OCA2: variants seen among roughly 807,000 people sequenced by gnomAD.
The protein encoded by OCA2 is OCA2 melanosomal transmembrane protein.
OCA2 carries 77 observed loss-of-function variants against 100.2 expected under a neutral mutation model. The observed-to-expected ratio is 0.77, with a 90% CI of 0.64 to 0.93. The LOEUF (loss-of-function observed/expected upper bound fraction) is 0.93, where lower values mean the gene tolerates loss of function less well. Among genes scored for constraint, OCA2 ranks in the 40% least tolerant of loss-of-function variants. The pLI, the probability that OCA2 is intolerant of heterozygous loss-of-function variation, is 0.00. For missense variants in OCA2, 1,062 were observed against 1,089.1 expected (o/e 0.98, Z 0.35); for synonymous variants, 432 against 439.2 (o/e 0.98, Z 0.21).
intron 23 of OCA2, among the ~76,000 whole-genome samples, chr15:27,837,115 T>C (rs1024000356): frequency 6.6e-6 from 1 of 152,350 alleles, no homozygotes; most frequent in Non-Finnish European, 1.5e-5. Flanking sequence ...CATGGAGGAA[T>C]GTCCTGCAGA....
intron 4 of OCA2, among the ~76,000 whole-genome samples, chr15:28,026,377 G>C (rs534580533): frequency 1.3e-5 from 2 of 152,156 alleles, no homozygotes; most frequent in Non-Finnish European, 2.9e-5. Flanking sequence ...CAGTGTCAGC[G>C]TTTGCCATCT....
At chr15:27,790,536 T>C (rs1046359507) in intron 23 of OCA2, among the ~76,000 whole-genome samples, 4 of 152,154 alleles carry the variant, frequency 2.6e-5, no homozygotes, top group African/African-American at 9.7e-5. Context: ...GGAAACTGGA[T>C]TCCATTTTTA....
In OCA2 at chr15:28,067,471, G is replaced by A. The variant is rs1421749648; in HGVS notation, c.227+14177C>T. Among the ~76,000 whole-genome samples, 3 of 152,088 alleles carry A rather than the reference G, an allele frequency of 2.0e-5. No homozygotes were observed. The East Asian group carries it at 5.8e-4, about 29-fold the overall frequency. On this transcript the variant is annotated intron_variant, in intron 2 of 23. Coordinates refer to ENST00000354638, the MANE Select transcript of OCA2 (RefSeq NM_000275.3). ...GGGACCTTTCTAACTTCTTGATGAA[G>A]GCATTTAGGGCTACAATCTTTCTTC...
At chr15:27,748,844 TAAA>T in the OCA2 span, among the ~76,000 whole-genome samples, 1 of 151,742 alleles carries the variant, frequency 6.6e-6, no homozygotes, top group Admixed American at 6.6e-5. Flanking sequence ...AAAATAAAAA[TAAA>T]ATACTTGCTG....
intron 23 of OCA2, among the ~76,000 whole-genome samples, chr15:27,803,366 T>C (rs1372908826): frequency 4.6e-5 from 7 of 152,000 alleles, no homozygotes; most frequent in Non-Finnish European, 7.4e-5. Flanking sequence ...AATTGTGGTA[T>C]ATCTACACAA....
the OCA2 span, among the ~76,000 whole-genome samples, chr15:27,727,122 A>G: frequency 1.3e-5 from 2 of 152,336 alleles, no homozygotes; most frequent in Admixed American, 1.3e-4. Flanking sequence ...ACTCTAGGGA[A>G]AAGGATGGGA....
chr15:27,946,122 G>A (rs972846395), intron 18 of OCA2, among the ~76,000 whole-genome samples: 3 of 152,042 alleles, frequency 2.0e-5, no homozygotes, highest in Non-Finnish European at 4.4e-5. Context: ...ACCTCTCAGG[G>A]TGTGTTACAT....
chr15:27,758,227 A>G (rs936558306), intron 23 of OCA2, among the ~76,000 whole-genome samples: 15 of 152,192 alleles, frequency 9.9e-5, no homozygotes, highest in Non-Finnish European at 1.5e-4. Flanking sequence ...AGTGGGTACT[A>G]GAAAGAAAAC....
At chr15:27,909,511 T>C (rs2038304498) in intron 19 of OCA2, among the ~76,000 whole-genome samples, 2 of 152,140 alleles carry the variant, frequency 1.3e-5, no homozygotes, top group Admixed American at 1.3e-4. Context: ...TTAAAACATA[T>C]TATAAAGCCT....
chr15:28,048,072 A>G (rs1438940904), intron 2 of OCA2, among the ~76,000 whole-genome samples: 1 of 152,248 alleles, frequency 6.6e-6, no homozygotes, highest in Non-Finnish European at 1.5e-5. Flanking sequence ...AAGAGGTAAA[A>G]GACGTGTACA....
chr15:27,922,484 A>G (rs991470110), intron 19 of OCA2, among the ~76,000 whole-genome samples: 1 of 152,210 alleles, frequency 6.6e-6, no homozygotes, highest in Non-Finnish European at 1.5e-5. Flanking sequence ...TTATGATTGA[A>G]TCCTGCATCT....
At chr15:27,870,836 A>G (rs1367922406) in intron 21 of OCA2, among the ~76,000 whole-genome samples, 29 of 151,876 alleles carry the variant, frequency 1.9e-4, no homozygotes, top group Admixed American at 1.0e-3. Context: ...AAGAAAGAGA[A>G]AGAAAGAGAG....
At chr15:27,984,914 C>T (rs935174772) in intron 13 of OCA2, 150 bp downstream of exon 13, 4 of 902,390 alleles carry the variant, frequency 4.4e-6, no homozygotes, top group South Asian at 2.9e-5. Context: ...AAAGCAGACA[C>T]GAGCTGGACT....
At chr15:27,987,767 C>G (rs1340210921) in intron 11 of OCA2, among the ~76,000 whole-genome samples, 1 of 151,930 alleles carries the variant, frequency 6.6e-6, no homozygotes, top group Non-Finnish European at 1.5e-5. Flanking sequence ...TATGAATTAA[C>G]CTTTCTGTCC....
chr15:27,993,371 G>A (rs940248506), intron 9 of OCA2, among the ~76,000 whole-genome samples: 7 of 152,088 alleles, frequency 4.6e-5, no homozygotes, highest in Non-Finnish European at 1.0e-4. Context: ...CAAAGGACAC[G>A]CACACCCAGG....
chr15:27,945,422 G>GA (rs2140533759), intron 18 of OCA2, among the ~76,000 whole-genome samples: 1 of 152,264 alleles, frequency 6.6e-6, no homozygotes, highest in South Asian at 2.1e-4. Context: ...GCCATGAGCA[G>GA]AAAAAAGATG....
chr15:27,770,166 A>T (rs1387001473), intron 23 of OCA2, among the ~76,000 whole-genome samples: 9 of 152,202 alleles, frequency 5.9e-5, no homozygotes, highest in African/African-American at 1.4e-4. Context: ...CTGGAAACAA[A>T]GCTCATCCTC....
chr15:27,989,054 C>A (rs1220741113), intron 11 of OCA2, among the ~76,000 whole-genome samples: 1 of 152,160 alleles, frequency 6.6e-6, no homozygotes, highest in Non-Finnish European at 1.5e-5. Context: ...CGTGGACTGC[C>A]CCTGCTGCCC....
At chr15:27,774,677 A>T (rs552431427) in intron 23 of OCA2, among the ~76,000 whole-genome samples, 6 of 152,316 alleles carry the variant, frequency 3.9e-5, no homozygotes, top group Non-Finnish European at 8.8e-5. Flanking sequence ...GGATTTGGAG[A>T]CAAGCTCTTT....
Sources: allele counts gnomAD v4.1 joint callset (sites outside exome capture counted in the v4.1 genomes callset), GRCh38; gene constraint gnomAD v4.1.1; transcripts MANE v1.5; gene names NCBI Gene and HGNC (gene_info 2026-07-23, HGNC 2026-07-21).